The following RUNX3 variants were observed in gnomAD, a reference collection of about 807,000 sequenced individuals.
RUNX3 encodes the protein RUNX family transcription factor 3.
In RUNX3, 10 loss-of-function variants were observed where a neutral mutation model predicts 27.7. That is an observed-to-expected ratio of 0.36 (90% CI 0.22 to 0.61). The LOEUF is 0.61. Ranked by LOEUF, RUNX3 falls within the 20% of genes least tolerant of loss-of-function variation. RUNX3 has a pLI of 0.72. For missense variants in RUNX3, 469 were observed against 629.5 expected (o/e 0.75, Z 2.73); for synonymous variants, 270 against 269.2 (o/e 1.00, Z -0.03).
At position 24,962,747 on chromosome 1, in the gene RUNX3, C is replaced by T. The variant is rs1642150241; in HGVS notation, c.58+1767G>A. Among the ~76,000 whole-genome samples, 10 of 152,226 alleles carry T rather than the reference C, an allele frequency of 6.6e-5. No homozygotes were observed. The highest frequency in any genetic ancestry group is 6.5e-4 in the Admixed American group (10 of 15,286). On this transcript the variant is annotated intron_variant, in intron 2 of 6. Transcript: ENST00000338888. This position sits in a 1 kb window ranked among gnomAD's most constrained non-coding sequence, Gnocchi z 4.5. ...CTCCTGTCTCTGGGCGCATACATGA[C>T]ATGTTGGGCCAAAGCCACCTCTCCC...
intron 3 of RUNX3, among the ~76,000 whole-genome samples, chr1:24,908,041 G>T (rs567265935): frequency 2.0e-5 from 3 of 151,492 alleles, no homozygotes; most frequent in Non-Finnish European, 4.4e-5. Flanking sequence ...AACCACACGC[G>T]GTGATCCGAA....
chr1:24,964,546 G>A (rs749899511), exon 2 of RUNX3: 1 of 1,611,970 alleles, frequency 6.2e-7, no homozygotes, highest in East Asian at 2.2e-5. Flanking sequence ...GGTCGGGAAG[G>A]AGTCGAAGAT....
chr1:24,935,137 A>G (rs1253748052), upstream of RUNX3, among the ~76,000 whole-genome samples: 1 of 152,216 alleles, frequency 6.6e-6, no homozygotes, highest in East Asian at 1.9e-4. Context: ...CCTCGAGGCA[A>G]AACGCAGTTG....
intron 3 of RUNX3, among the ~76,000 whole-genome samples, chr1:24,909,939 T>C (rs947943973): frequency 6.6e-6 from 1 of 152,108 alleles, no homozygotes; most frequent in Non-Finnish European, 1.5e-5. Context: ...AGGAAGCTTG[T>C]TGGAGGCCAC....
chr1:24,915,656 C>T (rs537613330), intron 3 of RUNX3, among the ~76,000 whole-genome samples: 100 of 151,992 alleles, frequency 6.6e-4, no homozygotes, highest in African/African-American at 2.4e-3. Flanking sequence ...TGGGGGTGTC[C>T]GGGGAGGAGT....
intron 2 of RUNX3, among the ~76,000 whole-genome samples, chr1:24,950,654 C>G (rs890687129): frequency 2.6e-5 from 4 of 152,104 alleles, no homozygotes; most frequent in Admixed American, 1.3e-4. Flanking sequence ...GAGTACCTCC[C>G]TCTGCTTGGA....
chr1:24,929,975 C>A lies in RUNX3; in HGVS notation c.-107G>T. On this transcript the variant is annotated 5_prime_UTR_variant, in exon 1 of 5. Coordinates refer to ENST00000308873, the MANE Select transcript of RUNX3 (RefSeq NM_004350.3). Reference sequence around the variant, plus strand: ...GCCGCTGCCGCGAGAAGCGGGAAAGCAGAAGCGGCGGGGCCCGGGCCTCAG... The same window carrying A: ...GCCGCTGCCGCGAGAAGCGGGAAAGAAGAAGCGGCGGGGCCCGGGCCTCAG... 8.4e-7 allele frequency: 1 copy of A among 1,188,386 alleles called. No homozygotes were observed. Among genetic ancestry groups the A allele is most frequent in the Non-Finnish European group, 1.0e-6 (1 of 961,670 alleles). 73.6% of individuals were successfully genotyped at this position (1,188,386 alleles called of 1,614,324 possible). A position where few individuals can be genotyped will look rare whatever the true frequency, so the allele number is the denominator to read the frequency against.
chr1:24,936,534 A>G (rs1335851001), intron 2 of RUNX3, among the ~76,000 whole-genome samples: 1 of 152,222 alleles, frequency 6.6e-6, no homozygotes, highest in African/African-American at 2.4e-5. Flanking sequence ...GAGATATCAA[A>G]TCCAAATCCC....
intron 3 of RUNX3, among the ~76,000 whole-genome samples, chr1:24,911,045 C>T (rs534069306): frequency 6.6e-6 from 1 of 152,352 alleles, no homozygotes; most frequent in African/African-American, 2.4e-5. Flanking sequence ...AGACCGAGTC[C>T]TCAGCCCTAA....
At position 24,904,722 on chromosome 1, in the gene RUNX3, G is replaced by A. The variant is rs1640628468; in HGVS notation, c.704-2056C>T. 6.6e-6 allele frequency among the ~76,000 whole-genome samples: 1 copy of A among 152,110 alleles called. No individual in the cohort carries two copies. On this transcript the variant is annotated intron_variant, in intron 4 of 4. Coordinates refer to ENST00000308873, the MANE Select transcript of RUNX3 (RefSeq NM_004350.3). This position sits in a 1 kb window ranked among gnomAD's most constrained non-coding sequence, Gnocchi z 5.7. ...GCTCACGCGGGCTGCAGGGCGCTGG[G>A]CTGGGCCTCCCTGGACCTGCCACCA...
intron 2 of RUNX3, among the ~76,000 whole-genome samples, chr1:24,964,161 G>A (rs757183022): frequency 2.0e-5 from 3 of 152,232 alleles, no homozygotes; most frequent in Non-Finnish European, 4.4e-5. Context: ...GGCAGGACAG[G>A]GGCTGGGGCT....
intron 2 of RUNX3, among the ~76,000 whole-genome samples, chr1:24,919,633 G>C (rs1214881622): frequency 6.6e-6 from 1 of 152,008 alleles, no homozygotes; most frequent in Non-Finnish European, 1.5e-5. Context: ...CTTCTATTCA[G>C]AGACCCACAC....
intron 2 of RUNX3, among the ~76,000 whole-genome samples, chr1:24,960,431 A>G (rs1040286151): frequency 6.6e-6 from 1 of 152,186 alleles, no homozygotes; most frequent in Non-Finnish European, 1.5e-5. Flanking sequence ...GCCTGGCTCT[A>G]AAGCCCAAGC....
At chr1:24,909,559 G>A (rs977911491) in intron 3 of RUNX3, among the ~76,000 whole-genome samples, 1 of 152,194 alleles carries the variant, frequency 6.6e-6, no homozygotes, top group Non-Finnish European at 1.5e-5. Context: ...TCCCTGCTAC[G>A]GAAGGGATTC....
Position 24,962,337 on chromosome 1 carries a change from G to A in RUNX3, c.58+2177C>T, listed in dbSNP as rs1326429770. The A allele has an allele frequency of 1.3e-5, 2 of 152,172 alleles. No individual in the cohort carries two copies. Among genetic ancestry groups the A allele is most frequent in the African/African-American group, 4.8e-5 (2 of 41,422 alleles). The allele number at this position is 152,172 out of a possible 1,614,324, so 9.4% of individuals were successfully genotyped here. A position where few individuals can be genotyped will look rare whatever the true frequency, so the allele number is the denominator to read the frequency against. On this transcript the variant is annotated intron_variant, in intron 2 of 6. Coordinates refer to the RUNX3 transcript ENST00000338888. The surrounding 1 kb of genome is among the most constrained non-coding windows in gnomAD (Gnocchi z 4.5). ...TAATCCTTTGGATTTTGTCTTACGCGTTTAAAAACGCAACTCCGAGGAGGA... is the reference window on the plus strand; with the variant it reads ...TAATCCTTTGGATTTTGTCTTACGCATTTAAAAACGCAACTCCGAGGAGGA...
At chr1:24,946,229 A>G (rs1046732553) in intron 2 of RUNX3, among the ~76,000 whole-genome samples, 2 of 152,214 alleles carry the variant, frequency 1.3e-5, no homozygotes, top group Non-Finnish European at 2.9e-5. Flanking sequence ...ATACACATTC[A>G]TTAAAGAAAA....
In RUNX3 at chr1:24,956,615, C is replaced by T. The variant is rs556955592; in HGVS notation, c.58+7899G>A. ...CACCTCTTCCCGAGACACAGGGGTG[C>T]GAAGAGCTGGGGGAGGTACGTCAGC... is the stretch of plus-strand genomic sequence containing the variant. On this transcript the variant is annotated intron_variant, in intron 2 of 6. Coordinates refer to the RUNX3 transcript ENST00000338888. Among the ~76,000 whole-genome samples, 57 of 152,248 alleles carry T rather than the reference C, an allele frequency of 3.7e-4. 1 individual carries two copies. Among genetic ancestry groups the T allele is most frequent in the South Asian group, 2.5e-3 (12 of 4,816 alleles).
chr1:24,914,127 A>G (rs1212984326), intron 3 of RUNX3, among the ~76,000 whole-genome samples: 1 of 152,232 alleles, frequency 6.6e-6, no homozygotes, highest in African/African-American at 2.4e-5. Flanking sequence ...CAAGACCTCC[A>G]TGAGAGAAGA....
rs1188688070 is a variant in RUNX3, at chr1:24,930,103, C to T, written c.-235G>A. 5 of 979,742 alleles carry T rather than the reference C, an allele frequency of 5.1e-6. No homozygotes were observed. Among genetic ancestry groups the T allele is most frequent in the South Asian group, 4.7e-5 (1 of 21,272 alleles). The allele number at this position is 979,742 out of a possible 1,614,324, so 60.7% of individuals were successfully genotyped here. A position where few individuals can be genotyped will look rare whatever the true frequency, so the allele number is the denominator to read the frequency against. On this transcript the variant is annotated 5_prime_UTR_variant, in exon 1 of 5. Coordinates refer to ENST00000308873, the MANE Select transcript of RUNX3 (RefSeq NM_004350.3). This position sits in a 1 kb window ranked among gnomAD's most constrained non-coding sequence, Gnocchi z 4.1. ...CAGCCTGCCCGGCTAGTCCCGCATC[C>T]TCGGCGCGCGGCCCCGCGTGCGGCC...
Sources: allele counts gnomAD v4.1 joint callset (sites outside exome capture counted in the v4.1 genomes callset), GRCh38; gene constraint gnomAD v4.1.1; non-coding constraint Gnocchi (gnomAD v3.1); transcripts MANE v1.5; gene names NCBI Gene and HGNC (gene_info 2026-07-23, HGNC 2026-07-21).